Variants in LEF1 observed in about 807,000 individuals in gnomAD.
The protein encoded by LEF1 is lymphoid enhancer-binding factor 1.
LEF1 carries 14 observed loss-of-function variants against 51.2 expected under a neutral mutation model. The ratio of observed to expected loss-of-function variants is 0.27; its 90% CI spans 0.18 to 0.43. LEF1 has a LOEUF of 0.43. Ranked by LOEUF, LEF1 falls within the 20% of genes least tolerant of loss-of-function variation. The probability of loss-of-function intolerance (pLI) is 1.00; values close to 1 mark genes in which losing one functional copy is unlikely to be tolerated. For missense variants in LEF1, 386 were observed against 512.0 expected, an observed-to-expected ratio of 0.75 and a Z score of 2.37; for synonymous variants, 185 against 183.2, an observed-to-expected ratio of 1.01 and a Z score of -0.08.
intron 3 of LEF1, among the ~76,000 whole-genome samples, chr4:108,157,880 CT>C (rs1247773687): frequency 6.6e-6 from 1 of 152,170 alleles, no homozygotes; most frequent in Non-Finnish European, 1.5e-5. Flanking sequence ...CAAATGCACT[CT>C]TTTACAGAGA....
At chr4:108,130,741 A>G (rs1273749301) in intron 3 of LEF1, among the ~76,000 whole-genome samples, 1 of 151,960 alleles carries the variant, frequency 6.6e-6, no homozygotes, top group Non-Finnish European at 1.5e-5. Context: ...AAAAAAAAAA[A>G]AAGACTTTCC....
rs112717033 is a variant in LEF1, at chr4:108,144,785, A to G, written c.414+18783T>C. On this transcript the variant is annotated intron_variant, in intron 3 of 11. Coordinates refer to ENST00000265165, the MANE Select transcript of LEF1 (RefSeq NM_016269.5). ...CGAGGGTGAAACACAGCCTCAGCCC[A>G]CAGCTCAGTGTGCAGCAAACCCAGG... 3.2e-3 allele frequency among the ~76,000 whole-genome samples: 469 copies of G among 147,928 alleles called. 3 individuals are homozygous for G. Among genetic ancestry groups the G allele is most frequent in the African/African-American group, 0.011 (448 of 40,224 alleles).
At chr4:108,141,798 G>C (rs967140619) in intron 3 of LEF1, among the ~76,000 whole-genome samples, 15 of 152,030 alleles carry the variant, frequency 9.9e-5, no homozygotes, top group African/African-American at 3.6e-4. Flanking sequence ...TGACATCACC[G>C]ATAGCTGTTT....
intron 3 of LEF1, among the ~76,000 whole-genome samples, chr4:108,134,110 G>A (rs972243670): frequency 2.0e-5 from 3 of 149,910 alleles, no homozygotes; most frequent in Non-Finnish European, 2.9e-5. Flanking sequence ...GTGGGCTAAC[G>A]AGTATATATA....
chr4:108,157,175 TATATACACACAC>T (rs1172291942), intron 3 of LEF1, among the ~76,000 whole-genome samples: 9 of 57,468 alleles, frequency 1.6e-4, no homozygotes, highest in African/African-American at 5.0e-4. Context: ...TCTCTATATA[TATATACACACAC>T]ACACACACAC....
At chr4:108,118,349 C>T (rs1048801782) in intron 3 of LEF1, among the ~76,000 whole-genome samples, 10 of 152,198 alleles carry the variant, frequency 6.6e-5, no homozygotes, top group African/African-American at 1.9e-4. Flanking sequence ...TAAAAATACT[C>T]AACAGATCGA....
rs764604173 is a variant in LEF1 at position 108,061,103 on chromosome 4, A to C, written c.*6+2520T>G. Among the ~76,000 whole-genome samples the C allele has an allele frequency of 5.3e-5, 8 of 152,236 alleles. No homozygotes were observed. In the South Asian group the frequency reaches 1.5e-3, roughly 28 times the overall value. On this transcript the variant is annotated intron_variant, in intron 11 of 11. Transcript: ENST00000265165. Reference sequence around the variant, plus strand: ...GATGGTGTGCAGGGCAGTGACTTCAAAGGCTGCATGACTGATCCGGGAATG... The same window carrying C: ...GATGGTGTGCAGGGCAGTGACTTCACAGGCTGCATGACTGATCCGGGAATG...
At chr4:108,144,865 CAAAAA>C (rs11394687) in intron 3 of LEF1, among the ~76,000 whole-genome samples, 1 of 41,926 alleles carries the variant, frequency 2.4e-5, no homozygotes, top group Admixed American at 4.8e-4. Context: ...CCCAACCAGC[CAAAAA>C]AAAAAAAAAA....
chr4:108,062,880 A>G (rs6852709), intron 11 of LEF1, among the ~76,000 whole-genome samples: 5,770 of 152,260 alleles, frequency 0.038, 378 homozygotes, highest in African/African-American at 0.13. Context: ...TTACCAGGAG[A>G]AGAGGTACAC....
intron 3 of LEF1, among the ~76,000 whole-genome samples, chr4:108,113,734 T>C (rs1177843377): frequency 6.6e-6 from 1 of 152,082 alleles, no homozygotes; most frequent in Non-Finnish European, 1.5e-5. Flanking sequence ...CATGGATAAA[T>C]TGCAGGTATG....
At chr4:108,128,708 TATTG>T (rs1742692981) in intron 3 of LEF1, among the ~76,000 whole-genome samples, 1 of 152,318 alleles carries the variant, frequency 6.6e-6, no homozygotes, top group Admixed American at 6.5e-5. Context: ...GGTATGAACC[TATTG>T]ATTATTATAA....
chr4:108,119,378 T>C (rs1048304468), intron 3 of LEF1, among the ~76,000 whole-genome samples: 2 of 152,068 alleles, frequency 1.3e-5, no homozygotes, highest in Non-Finnish European at 2.9e-5. Flanking sequence ...CCTAGGGATA[T>C]GACTAATTCT....
Position 108,168,777 on chromosome 4 carries a change from T to A in LEF1, c.-1010A>T, listed in dbSNP as rs1386184126. On this transcript the variant is annotated 5_prime_UTR_variant, in exon 1 of 12. In the 5' UTR this introduces an upstream ATG that the reference lacks. Transcript: ENST00000265165. This position sits in a 1 kb window ranked among gnomAD's most constrained non-coding sequence, Gnocchi z 4.6. ...CTGTCAAAGCAAAGAGCTGCGCCCC[T>A]TGAGTTCGCCCGGCCGAGGGGAGGG... 6.6e-6 allele frequency: 1 copy of A among 152,088 alleles called. No homozygotes were observed. Among genetic ancestry groups the A allele is most frequent in the East Asian group, 1.9e-4 (1 of 5,150 alleles). 9.4% of individuals were successfully genotyped at this position (152,088 alleles called of 1,614,324 possible).
chr4:108,066,445 C>T (rs550003949), intron 9 of LEF1, among the ~76,000 whole-genome samples: 1 of 152,278 alleles, frequency 6.6e-6, no homozygotes, highest in East Asian at 1.9e-4. Context: ...TCCCTATGAC[C>T]CTGAGCTCAC....
intron 3 of LEF1, among the ~76,000 whole-genome samples, chr4:108,096,086 AC>A (rs1354905779): frequency 1.3e-5 from 2 of 152,216 alleles, no homozygotes; most frequent in Non-Finnish European, 2.9e-5. Flanking sequence ...AGCCAAAAAA[AC>A]AAACTAAAAC....
chr4:108,059,694 C>A (rs754149674), intron 11 of LEF1, among the ~76,000 whole-genome samples: 1 of 152,026 alleles, frequency 6.6e-6, no homozygotes, highest in African/African-American at 2.4e-5. Flanking sequence ...CACACTCTGA[C>A]AGACTGGTTT....
rs2126248013 is a variant in LEF1, at chr4:108,048,169, A to G, written c.*589T>C. On this transcript the variant is annotated 3_prime_UTR_variant, in exon 12 of 12. Transcript: ENST00000265165. ...AAGAAAATTAAAACTAAAAAGTGTA[A>G]ATTAAAAAAATTCAAGTTTAAAAAA... 6.5e-6 allele frequency: 1 copy of G among 152,774 alleles called. No homozygotes were observed. 9.5% of individuals were successfully genotyped at this position (152,774 alleles called of 1,614,324 possible). A position where few individuals can be genotyped will look rare whatever the true frequency, so the allele number is the denominator to read the frequency against.
At chr4:108,087,929 T>G (rs1219284155) in intron 4 of LEF1, among the ~76,000 whole-genome samples, 1 of 152,152 alleles carries the variant, frequency 6.6e-6, no homozygotes, top group African/African-American at 2.4e-5. Context: ...ACCTGACTCT[T>G]GAACATTCCT....
rs1489856878 is a variant in LEF1, at chr4:108,066,737, AT to A, written c.1117-2354del. ...GTTATACAAAAACCAAAATTCATGT[AT>A]GGTAAAAACAAAAAATTTTTTTTGT... is the stretch of plus-strand genomic sequence containing the variant. On this transcript the variant is annotated intron_variant, in intron 9 of 11. Coordinates refer to ENST00000265165, the MANE Select transcript of LEF1 (RefSeq NM_016269.5). Among the ~76,000 whole-genome samples, 3 of 152,354 alleles carry A rather than the reference AT, an allele frequency of 2.0e-5. No individual in the cohort carries two copies. The East Asian group carries it at 5.8e-4, about 29-fold the overall frequency.
Sources: allele counts gnomAD v4.1 joint callset (sites outside exome capture counted in the v4.1 genomes callset), GRCh38; gene constraint gnomAD v4.1.1; non-coding constraint Gnocchi (gnomAD v3.1); transcripts MANE v1.5; gene names NCBI Gene and HGNC (gene_info 2026-07-23, HGNC 2026-07-21).